Variants in LMNTD1 observed in about 807,000 individuals in gnomAD.
LMNTD1 encodes lamin tail domain containing 1.
Under a neutral mutation model 50.9 loss-of-function variants are expected in LMNTD1, and 35 were observed. That is an observed-to-expected ratio of 0.69 (90% CI 0.53 to 0.91). The LOEUF is 0.91. LMNTD1 is among the 40% of genes least tolerant of loss of function. LMNTD1 has a pLI of 0.00. For synonymous variants in LMNTD1, 153 were observed against 161.9 expected (o/e 0.94, Z 0.42); for missense variants, 470 against 475.5 (o/e 0.99, Z 0.11).
chr12:25,538,746 A>G (rs991249488), intron 4 of LMNTD1, among the ~76,000 whole-genome samples: 1 of 102,000 alleles, frequency 9.8e-6, no homozygotes, highest in Non-Finnish European at 2.3e-5. Flanking sequence ...ATGTAAATGG[A>G]CTAAATGCCC....
chr12:25,619,250 C>CTATATATATATATATA (rs1185194793), intron 1 of LMNTD1, among the ~76,000 whole-genome samples: 29 of 79,410 alleles, frequency 3.7e-4, no homozygotes, highest in Non-Finnish European at 7.0e-4. Flanking sequence ...CTCTCTCTCT[C>CTATATATATATATATA]TCTATATATA....
chr12:25,490,354 T>C lies in LMNTD1; in HGVS notation c.*22+13384A>G, dbSNP rs1338839133. ...ATTAAGTGAAGTTTAAACTATAATA[T>C]CCTTTTTCAAGGGCCTCATTTCTAA... On this transcript the variant is annotated intron_variant, in intron 9 of 9. Transcript: ENST00000458174. Among the ~76,000 whole-genome samples, 2 of 152,198 alleles carry C rather than the reference T, an allele frequency of 1.3e-5. 1 individual carries two copies.
rs755967881 is a variant in LMNTD1, at chr12:25,520,065, C to A, written c.809G>T (p.Trp270Leu). The A allele has an allele frequency of 4.4e-6, 7 of 1,608,762 alleles. No homozygotes were observed. In the South Asian group the frequency reaches 7.7e-5, roughly 18 times the overall value. The part of the protein sequence containing the change: ...LCKPNGQAIA[W>L]YTPIHWKQAW... ...TTGCTTCCAGTGGATAGGGGTGTAC[C>A]ACGCAATGGCCTAATGAAAATGATT... Residue 270 changes from tryptophan (W) to leucine (L), a missense_variant, in exon 7 of 10, where the codon TGG (tryptophan) becomes TTG (leucine). Transcript: ENST00000458174.
intron 4 of LMNTD1, among the ~76,000 whole-genome samples, chr12:25,537,415 C>A (rs1447982270): frequency 6.6e-6 from 1 of 152,208 alleles, no homozygotes. Flanking sequence ...GTCCCTGACC[C>A]CTGACCCCCA....
intron 1 of LMNTD1, among the ~76,000 whole-genome samples, chr12:25,569,717 G>A (rs1248273766): frequency 3.9e-5 from 6 of 152,084 alleles, no homozygotes; most frequent in African/African-American, 1.4e-4. Flanking sequence ...GTTTAAAAGT[G>A]TATAGCACCC....
chr12:25,618,258 C>T (rs1039648347), intron 1 of LMNTD1, among the ~76,000 whole-genome samples: 2 of 152,100 alleles, frequency 1.3e-5, no homozygotes, highest in African/African-American at 4.8e-5. Context: ...TTAGAAAGTT[C>T]CAAGTGCCAG....
At chr12:25,544,402 A>C (rs1052338778) in intron 4 of LMNTD1, among the ~76,000 whole-genome samples, 1 of 151,610 alleles carries the variant, frequency 6.6e-6, no homozygotes, top group African/African-American at 2.4e-5. Context: ...TTTGGTTTCC[A>C]GTTGAATGGA....
intron 3 of LMNTD1, among the ~76,000 whole-genome samples, chr12:25,548,468 G>T (rs1331451752): frequency 2.6e-5 from 4 of 151,864 alleles, no homozygotes; most frequent in Non-Finnish European, 5.9e-5. Flanking sequence ...TTACAGGTAA[G>T]TTCAGATTCA....
intron 9 of LMNTD1, among the ~76,000 whole-genome samples, chr12:25,500,649 T>A (rs1440604271): frequency 6.6e-6 from 1 of 152,214 alleles, no homozygotes; most frequent in Non-Finnish European, 1.5e-5. Context: ...CCCTGCTCTT[T>A]CTTCCATTTT....
At chr12:25,563,288 A>T (rs1247883260) in intron 1 of LMNTD1, among the ~76,000 whole-genome samples, 1 of 152,132 alleles carries the variant, frequency 6.6e-6, no homozygotes, top group Non-Finnish European at 1.5e-5. Flanking sequence ...ATCTACCGTT[A>T]GTCTTTGATG....
intron 6 of LMNTD1, among the ~76,000 whole-genome samples, chr12:25,525,693 T>G (rs1941655759): frequency 6.6e-6 from 1 of 151,096 alleles, no homozygotes; most frequent in Non-Finnish European, 1.5e-5. Flanking sequence ...GCTTTAAGGA[T>G]AAAAAAAAAT....
chr12:25,636,804 A>G (rs1273023619), intron 1 of LMNTD1, among the ~76,000 whole-genome samples: 1 of 152,256 alleles, frequency 6.6e-6, no homozygotes, highest in East Asian at 1.9e-4. Context: ...CTACTAAGCC[A>G]TAAAAAGGAA....
rs375866394 is a variant in LMNTD1 at position 25,552,891 on chromosome 12, A to C, written c.69T>G (p.Asp23Glu). Residue 23 changes from aspartate (D) to glutamate (E), a missense_variant, in exon 2 of 10, where the codon GAT (aspartate) becomes GAG (glutamate). By Grantham distance (45) the Asp-to-Glu change is conservative. Coordinates refer to ENST00000458174, the MANE Select transcript of LMNTD1 (RefSeq NM_001145728.2). ...AMQNKVHEQEDKNEKQKQRED... is the reference protein window; with the variant it reads ...AMQNKVHEQEEKNEKQKQRED... The stretch of plus-strand genomic sequence containing the variant: ...CTCACTGTTTTTGTTTCTCATTCTT[A>C]TCTTCCTGCTCATGGACTTTATTCT... 1.9e-5 allele frequency: 29 copies of C among 1,549,554 alleles called. No individual in the cohort carries two copies. In the African/African-American group the frequency reaches 4.0e-4, roughly 21 times the overall value.
chr12:25,604,293 T>C (rs1271569337), intron 1 of LMNTD1, among the ~76,000 whole-genome samples: 1 of 152,184 alleles, frequency 6.6e-6, no homozygotes, highest in Non-Finnish European at 1.5e-5. Context: ...TACTCAAGTA[T>C]TGAAGTCAGC....
intron 3 of LMNTD1, among the ~76,000 whole-genome samples, chr12:25,547,043 T>C (rs961728492): frequency 1.3e-5 from 2 of 151,686 alleles, no homozygotes; most frequent in Non-Finnish European, 3.0e-5. Flanking sequence ...ACTTCCTCTA[T>C]TTAATTAAAA....
At chr12:25,586,309 A>G (rs1471263250) in intron 1 of LMNTD1, among the ~76,000 whole-genome samples, 3 of 152,018 alleles carry the variant, frequency 2.0e-5, no homozygotes, top group Admixed American at 2.0e-4. Context: ...CTAGATCACC[A>G]ACTCTTAACC....
At chr12:25,519,758 T>C in intron 7 of LMNTD1, 100 bp downstream of exon 7, 1 of 757,050 alleles carries the variant, frequency 1.3e-6, no homozygotes, top group Non-Finnish European at 2.2e-6. Context: ...TTGATTTAAT[T>C]TATACATCAC....
At chr12:25,482,327 T>TCC (rs1363624872) in intron 9 of LMNTD1, among the ~76,000 whole-genome samples, 3 of 151,904 alleles carry the variant, frequency 2.0e-5, no homozygotes, top group Non-Finnish European at 2.9e-5. Context: ...TAATTTTACA[T>TCC]CCCCCAGTAA....
intron 4 of LMNTD1, among the ~76,000 whole-genome samples, chr12:25,530,256 A>T (rs1942126877): frequency 6.6e-6 from 1 of 152,146 alleles, no homozygotes; most frequent in African/African-American, 2.4e-5. Context: ...GCAAGAAGAG[A>T]CTTTAAAAAT....
Sources: allele counts gnomAD v4.1 joint callset (sites outside exome capture counted in the v4.1 genomes callset), GRCh38; gene constraint gnomAD v4.1.1; transcripts MANE v1.5; gene names NCBI Gene and HGNC (gene_info 2026-07-23, HGNC 2026-07-21).